KCNMA1: variants seen among roughly 807,000 people sequenced by gnomAD.
KCNMA1 encodes potassium calcium-activated channel subfamily M alpha 1, also known as Calcium-activated potassium channel subunit alpha-1.
KCNMA1 carries 29 observed loss-of-function variants against 140.0 expected under a neutral mutation model. The ratio of observed to expected loss-of-function variants is 0.21; its 90% CI spans 0.15 to 0.28. The LOEUF is 0.28. Among genes scored for constraint, KCNMA1 ranks in the 10% least tolerant of loss-of-function variants. The pLI, the probability that KCNMA1 is intolerant of heterozygous loss-of-function variation, is 1.00. For missense variants in KCNMA1, 880 were observed against 1,602.2 expected (o/e 0.55, Z 7.70); for synonymous variants, 612 against 611.9 (o/e 1.00, Z 0.00).
At chr10:77,567,724 G>A (rs989576409) in intron 1 of KCNMA1, among the ~76,000 whole-genome samples, 2 of 152,134 alleles carry the variant, frequency 1.3e-5, no homozygotes, top group African/African-American at 4.8e-5. Flanking sequence ...AAACACTCAG[G>A]TCTGAGCTAG....
chr10:77,001,385 C>A, intron 19 of KCNMA1, 22 bp downstream of exon 19: 1 of 1,546,580 alleles, frequency 6.5e-7, no homozygotes, highest in Non-Finnish European at 8.8e-7. Context: ...CATGGAACTA[C>A]GTGTGTTGAG....
At chr10:76,899,019 C>A (rs1285820884) in intron 25 of KCNMA1, among the ~76,000 whole-genome samples, 1 of 151,824 alleles carries the variant, frequency 6.6e-6, no homozygotes, top group African/African-American at 2.4e-5. Flanking sequence ...ATGTCAGATA[C>A]ATAGGAGAAT....
At chr10:77,340,199 A>T (rs2090467874) in intron 2 of KCNMA1, among the ~76,000 whole-genome samples, 1 of 152,180 alleles carries the variant, frequency 6.6e-6, no homozygotes, top group Non-Finnish European at 1.5e-5. Context: ...GATCATTCAA[A>T]AGTCAGGAAA....
intron 3 of KCNMA1, among the ~76,000 whole-genome samples, chr10:77,218,229 G>A (rs978592319): frequency 6.6e-5 from 10 of 152,202 alleles, no homozygotes; most frequent in East Asian, 1.9e-4. Flanking sequence ...AAATTACAAC[G>A]TCACTAGCTC....
intron 5 of KCNMA1, among the ~76,000 whole-genome samples, chr10:77,146,998 C>G (rs751036895): frequency 6.6e-6 from 1 of 152,168 alleles, no homozygotes; most frequent in Non-Finnish European, 1.5e-5. Flanking sequence ...TGTGAAGCCA[C>G]CTGGGCATGG....
rs187496298 is a variant in KCNMA1 at position 77,067,658 on chromosome 10, G to T, written c.1749+5439C>A. Among the ~76,000 whole-genome samples the T allele has an allele frequency of 3.9e-3, 598 of 152,306 alleles. 10 individuals carry two copies. Among genetic ancestry groups the T allele is most frequent in the Admixed American group, 0.018 (282 of 15,294 alleles). On this transcript the variant is annotated intron_variant, in intron 14 of 27. Coordinates refer to ENST00000286628, the MANE Select transcript of KCNMA1 (RefSeq NM_001161352.2). ...TTTCACCTCCTCAAAACAGCAGTGT[G>T]TGTCAATCCCTTCTTGGGAGCCTAG... is the stretch of plus-strand genomic sequence containing the variant.
intron 14 of KCNMA1, 43 bp from the exon 15 acceptor site, chr10:77,039,680 T>G: frequency 1.6e-6 from 2 of 1,272,834 alleles, no homozygotes; most frequent in African/African-American, 1.5e-5. Context: ...AATATGACGG[T>G]GGGCTGTAAA....
At chr10:77,446,528 C>G (rs995100043) in intron 1 of KCNMA1, among the ~76,000 whole-genome samples, 2 of 152,202 alleles carry the variant, frequency 1.3e-5, no homozygotes, top group Non-Finnish European at 2.9e-5. Context: ...GTCAGCCGCC[C>G]TAGAAGTCAC....
chr10:77,407,272 G>T (rs963767218), intron 1 of KCNMA1, among the ~76,000 whole-genome samples: 11 of 152,188 alleles, frequency 7.2e-5, no homozygotes, highest in African/African-American at 2.2e-4. Flanking sequence ...TCTTGTGCCT[G>T]GAGGAAGAGG....
intron 23 of KCNMA1, among the ~76,000 whole-genome samples, chr10:76,935,099 C>T (rs941781559): frequency 2.0e-5 from 3 of 152,178 alleles, no homozygotes; most frequent in African/African-American, 7.2e-5. Context: ...CCCAGATTTA[C>T]TCATTTGTCC....
chr10:77,341,568 A>G (rs927306507), intron 2 of KCNMA1, among the ~76,000 whole-genome samples: 3 of 152,210 alleles, frequency 2.0e-5, no homozygotes, highest in African/African-American at 7.2e-5. Context: ...TCTCAGTCAC[A>G]GTTCCTTAGA....
chr10:77,150,240 C>T (rs933113002), intron 5 of KCNMA1: 4 of 152,162 alleles, frequency 2.6e-5, no homozygotes, highest in African/African-American at 4.8e-5. Flanking sequence ...ATCAAACCAT[C>T]ATTATTCTGG....
intron 5 of KCNMA1, among the ~76,000 whole-genome samples, chr10:77,170,214 T>TA (rs1333753368): frequency 2.0e-5 from 3 of 151,744 alleles, no homozygotes; most frequent in Non-Finnish European, 1.5e-5. Context: ...AAAATAAATT[T>TA]AAAAAAAAGA....
intron 2 of KCNMA1, among the ~76,000 whole-genome samples, chr10:77,396,272 G>C (rs2096052399): frequency 2.6e-5 from 4 of 152,128 alleles, no homozygotes; most frequent in Admixed American, 2.6e-4. Context: ...ATTTTACATA[G>C]ATTTGCCTAA....
At chr10:77,449,446 C>T (rs888803436) in intron 1 of KCNMA1, among the ~76,000 whole-genome samples, 1 of 151,378 alleles carries the variant, frequency 6.6e-6, no homozygotes, top group African/African-American at 2.4e-5. Flanking sequence ...ATGCATCCCT[C>T]CCAGGACCCA....
intron 1 of KCNMA1, among the ~76,000 whole-genome samples, chr10:77,546,966 T>C (rs1281931097): frequency 6.6e-6 from 1 of 152,152 alleles, no homozygotes; most frequent in African/African-American, 2.4e-5. Context: ...GGATCTTACC[T>C]ACAATTAATG....
At chr10:77,264,733 C>T (rs997967505) in intron 2 of KCNMA1, among the ~76,000 whole-genome samples, 7 of 152,272 alleles carry the variant, frequency 4.6e-5, no homozygotes, top group East Asian at 1.9e-4. Flanking sequence ...TCAGGGTTTA[C>T]GGTCTCTTGC....
chr10:77,408,767 C>A lies in KCNMA1; in HGVS notation c.379-4744G>T, dbSNP rs568715307. 3.9e-5 allele frequency among the ~76,000 whole-genome samples: 6 copies of A among 152,312 alleles called. No individual in the cohort carries two copies. In the South Asian group the frequency reaches 1.2e-3, roughly 32 times the overall value. ...AAAGAGGAGGTCCTGCAGGAGCCCTCCCCCTGCCCTTGGCAGCTCCCTGAG... is the reference window on the plus strand; with the variant it reads ...AAAGAGGAGGTCCTGCAGGAGCCCTACCCCTGCCCTTGGCAGCTCCCTGAG... On this transcript the variant is annotated intron_variant, in intron 1 of 27. Transcript: ENST00000286628.
chr10:77,507,812 T>C (rs1342355870), intron 1 of KCNMA1, among the ~76,000 whole-genome samples: 1 of 152,248 alleles, frequency 6.6e-6, no homozygotes, highest in Admixed American at 6.5e-5. Flanking sequence ...TGGCAATGTA[T>C]AGAGAATCTT....
Sources: allele counts gnomAD v4.1 joint callset (sites outside exome capture counted in the v4.1 genomes callset), GRCh38; gene constraint gnomAD v4.1.1; transcripts MANE v1.5; gene names NCBI Gene and HGNC (gene_info 2026-07-23, HGNC 2026-07-21).